The following KLHL8 variants were observed in gnomAD, a reference collection of about 807,000 sequenced individuals.
KLHL8 encodes kelch like family member 8.
In KLHL8, 38 loss-of-function variants were observed where a neutral mutation model predicts 63.5. The ratio of observed to expected loss-of-function variants is 0.60; its 90% CI spans 0.46 to 0.78. KLHL8 has a LOEUF of 0.78. Among genes scored for constraint, KLHL8 ranks in the 30% least tolerant of loss-of-function variants. The probability of loss-of-function intolerance (pLI) is 0.00; values close to 1 mark genes in which losing one functional copy is unlikely to be tolerated. For synonymous variants in KLHL8, 224 were observed against 254.3 expected (o/e 0.88, Z 1.13); for missense variants, 566 against 752.4 (o/e 0.75, Z 2.90).
intron 4 of KLHL8, 57 bp downstream of exon 4, chr4:87,183,146 C>A (rs1450286693): frequency 2.3e-6 from 3 of 1,308,534 alleles, no homozygotes; most frequent in South Asian, 3.5e-5. Context: ...CACACATGAA[C>A]AACCCTCAAA....
Position 87,169,786 on chromosome 4 carries a change from G to A in KLHL8, c.1537+293C>T, listed in dbSNP as rs1730566612. Among the ~76,000 whole-genome samples, 2 of 151,784 alleles carry A rather than the reference G, an allele frequency of 1.3e-5. 1 individual carries two copies. Among genetic ancestry groups the A allele is most frequent in the Admixed American group, 1.3e-4 (2 of 15,240 alleles). On this transcript the variant is annotated intron_variant, in intron 8 of 9. Transcript: ENST00000273963. The stretch of plus-strand genomic sequence containing the variant: ...GGCTTGAGGCAGGAGGATCATGTGA[G>A]CCCAGGAGTTCAAGGCTGCAGTGAG...
intron 4 of KLHL8, 109 bp downstream of exon 4, chr4:87,183,094 T>C (rs537602707): frequency 4.2e-6 from 3 of 708,118 alleles, no homozygotes; most frequent in Non-Finnish European, 6.8e-6. Flanking sequence ...AATTATTACT[T>C]TAAGGCAATC....
chr4:87,226,628 ATTACT>A (rs1455090749), intron 1 of KLHL8, among the ~76,000 whole-genome samples: 1 of 93,140 alleles, frequency 1.1e-5, no homozygotes, highest in Non-Finnish European at 2.0e-5. Flanking sequence ...AATAATATAT[ATTACT>A]TATATAAATA....
chr4:87,163,999 G>A lies in KLHL8; in HGVS notation c.1618C>T (p.Leu540Phe), dbSNP rs766001682. Residue 540 changes from leucine (L) to phenylalanine (F), a missense_variant, in exon 9 of 10, where the codon CTT (leucine) becomes TTT (phenylalanine). Transcript: ENST00000273963. ...CCCACTCCACCTCTGGGAGTAGTAA[G>A]TGCTGCCACATAATCCCACTTGTTG... Reference protein sequence around the residue: ...RSNKWDYVAALTTPRGGVGIA... With the variant: ...RSNKWDYVAAFTTPRGGVGIA... 6.2e-7 allele frequency: 1 copy of A among 1,614,184 alleles called. No individual in the cohort carries two copies. Among genetic ancestry groups the A allele is most frequent in the Non-Finnish European group, 8.5e-7 (1 of 1,180,004 alleles).
chr4:87,215,520 T>C (rs1732561413), intron 1 of KLHL8, among the ~76,000 whole-genome samples: 1 of 152,194 alleles, frequency 6.6e-6, no homozygotes, highest in African/African-American at 2.4e-5. Flanking sequence ...GAAAAAGACA[T>C]TACTTGATGG....
At position 87,161,753 on chromosome 4, in the gene KLHL8, GT is replaced by G. The variant is rs1225611939; in HGVS notation, c.*1765del. 1 of 151,836 alleles carries G rather than the reference GT, an allele frequency of 6.6e-6. No individual in the cohort carries two copies. The highest frequency in any genetic ancestry group is 2.4e-5 in the African/African-American group (1 of 41,142). The allele number at this position is 151,836 out of a possible 1,614,324, so 9.4% of individuals were successfully genotyped here. On this transcript the variant is annotated 3_prime_UTR_variant, in exon 10 of 10. Transcript: ENST00000273963. ...TCACCAGTCTAGTAAGTGCTACAGGGTTAACTGCCTCTGGACTGACTGAAAT... is the reference window on the plus strand; with the variant it reads ...TCACCAGTCTAGTAAGTGCTACAGGGTAACTGCCTCTGGACTGACTGAAAT...
At chr4:87,176,915 C>A (rs1031425093) in intron 5 of KLHL8, 47 bp from the exon 6 acceptor site, 1 of 922,552 alleles carries the variant, frequency 1.1e-6, no homozygotes, top group South Asian at 1.5e-5. Flanking sequence ...CAAATAAATT[C>A]ATATCATTAA....
rs1730267667 is a variant in KLHL8 at position 87,163,762 on chromosome 4, A to G, written c.1739+116T>C. The G allele has an allele frequency of 9.9e-6, 15 of 1,521,648 alleles. No homozygotes were observed. In the South Asian group the frequency reaches 1.6e-4, roughly 16 times the overall value. 94.3% of individuals were successfully genotyped at this position (1,521,648 alleles called of 1,614,324 possible). On this transcript the variant is annotated intron_variant, in intron 9 of 9. Coordinates refer to ENST00000273963, the MANE Select transcript of KLHL8 (RefSeq NM_020803.5). ...TGTAGGACAGCAAGCTTCCAGTGGG[A>G]GATAAGATATCCCAAAGCTTAGTAT...
At chr4:87,215,151 A>C (rs1054144920) in intron 1 of KLHL8, among the ~76,000 whole-genome samples, 2 of 152,236 alleles carry the variant, frequency 1.3e-5, no homozygotes, top group African/African-American at 4.8e-5. Flanking sequence ...ACTGATCTTA[A>C]AATGATTGGA....
At chr4:87,192,585 C>T (rs1033602964) in intron 2 of KLHL8, among the ~76,000 whole-genome samples, 2 of 152,154 alleles carry the variant, frequency 1.3e-5, no homozygotes, top group African/African-American at 4.8e-5. Flanking sequence ...AGCCTATGTA[C>T]GTAGCTTATA....
intron 5 of KLHL8, 25 bp downstream of exon 5, chr4:87,178,452 A>G (rs1446255679): frequency 5.1e-6 from 8 of 1,579,508 alleles, no homozygotes; most frequent in Non-Finnish European, 6.8e-6. Context: ...TGATCATATG[A>G]TATTTCAGAC....
rs1241669674 is a variant in KLHL8 at position 87,181,414 on chromosome 4, A to AG, written c.952+1788dup. ...GAGCGAGACTCAGTCTCAAAAAAAA[A>AG]GAAATCTGTTTATAAGTAAACTGAG... is the stretch of plus-strand genomic sequence containing the variant. On this transcript the variant is annotated intron_variant, in intron 4 of 9. Transcript: ENST00000273963. 3.9e-5 allele frequency among the ~76,000 whole-genome samples: 6 copies of AG among 152,332 alleles called. No homozygotes were observed. The East Asian group carries it at 1.2e-3, about 29-fold the overall frequency.
In KLHL8 at chr4:87,161,098, C is replaced by A. The variant is rs1033676329; in HGVS notation, c.*2421G>T. The A allele has an allele frequency of 1.5e-5, 2 of 137,806 alleles. No individual in the cohort carries two copies. The highest frequency in any genetic ancestry group is 3.0e-5 in the Non-Finnish European group (2 of 66,542). The allele number at this position is 137,806 out of a possible 1,614,324, so 8.5% of individuals were successfully genotyped here. A position where few individuals can be genotyped will look rare whatever the true frequency, so the allele number is the denominator to read the frequency against. ...TCACTCTTGTTTCACCGCTGGAGTG[C>A]GATGGCTCAACCTCGGCTCATTGCA... On this transcript the variant is annotated 3_prime_UTR_variant, in exon 10 of 10. Transcript: ENST00000273963.
chr4:87,240,309 G>C (rs1733305954), exon 1 of KLHL8: 1 of 152,220 alleles, frequency 6.6e-6, no homozygotes, highest in African/African-American at 2.4e-5. Flanking sequence ...GAAAATGACA[G>C]CATCTAAAGA....
chr4:87,214,459 T>TATATATATATAG (rs1191224013), intron 1 of KLHL8, among the ~76,000 whole-genome samples: 1 of 129,060 alleles, frequency 7.7e-6, no homozygotes, highest in African/African-American at 2.8e-5. Flanking sequence ...TATATATATA[T>TATATATATATAG]AATTGTCATC....
chr4:87,229,024 T>A (rs887589751), intron 1 of KLHL8, among the ~76,000 whole-genome samples: 1 of 152,198 alleles, frequency 6.6e-6, no homozygotes, highest in Non-Finnish European at 1.5e-5. Flanking sequence ...ACTAAAAAAA[T>A]TATAATTGCA....
At chr4:87,167,384 T>C in intron 8 of KLHL8, 1 of 447,228 alleles carries the variant, frequency 2.2e-6, no homozygotes, top group Non-Finnish European at 4.4e-6. Context: ...TTATTCATCC[T>C]GGTCATGGAG....
At chr4:87,224,343 A>G (rs779826959), upstream of KLHL8, among the ~76,000 whole-genome samples, 5 of 152,222 alleles carry the variant, frequency 3.3e-5, no homozygotes, top group Non-Finnish European at 7.3e-5. Context: ...ATGGTGGCTC[A>G]TTCCCTGGAT....
At chr4:87,196,895 T>C (rs1731719705) in intron 1 of KLHL8, among the ~76,000 whole-genome samples, 2 of 152,216 alleles carry the variant, frequency 1.3e-5, no homozygotes, top group African/African-American at 2.4e-5. Context: ...TCCTGAGAAA[T>C]ACATCAAATA....
Sources: gnomAD v4.1 joint callset for allele counts (sites outside exome capture counted in the v4.1 genomes callset) on GRCh38, gnomAD v4.1.1 for gene constraint, MANE v1.5 for transcripts, NCBI Gene and HGNC (gene_info 2026-07-23, HGNC 2026-07-21) for gene names.